DCDC2: variants seen among roughly 807,000 people sequenced by gnomAD.
The protein encoded by DCDC2 is doublecortin domain-containing protein 2.
Under a neutral mutation model 50.2 loss-of-function variants are expected in DCDC2, and 40 were observed. The ratio of observed to expected loss-of-function variants is 0.80; its 90% CI spans 0.62 to 1.04. The LOEUF is 1.04. Among genes scored for constraint, DCDC2 ranks in the 50% least tolerant of loss-of-function variants. The pLI is 0.00. For missense variants in DCDC2, 570 were observed against 581.9 expected (o/e 0.98, Z 0.21); for synonymous variants, 234 against 210.6 (o/e 1.11, Z -0.96).
At chr6:24,179,126 T>C (rs1760992031) in intron 8 of DCDC2, among the ~76,000 whole-genome samples, 1 of 152,164 alleles carries the variant, frequency 6.6e-6, no homozygotes, top group Non-Finnish European at 1.5e-5. Flanking sequence ...GAATTCATGT[T>C]TTCTGACGTG....
intron 1 of DCDC2, among the ~76,000 whole-genome samples, chr6:24,356,454 G>T (rs1760468859): frequency 6.6e-6 from 1 of 152,086 alleles, no homozygotes; most frequent in Non-Finnish European, 1.5e-5. Context: ...GGGTGGAAAT[G>T]AACTACAATT....
intron 2 of DCDC2, among the ~76,000 whole-genome samples, chr6:24,310,092 AG>A (rs1471271490): frequency 5.9e-5 from 9 of 152,360 alleles, no homozygotes; most frequent in African/African-American, 2.2e-4. Flanking sequence ...AAATTACAAA[AG>A]AAACATAATA....
intron 7 of DCDC2, among the ~76,000 whole-genome samples, chr6:24,241,112 C>T (rs1294268742): frequency 2.6e-5 from 4 of 152,178 alleles, no homozygotes; most frequent in Non-Finnish European, 5.9e-5. Flanking sequence ...AAGCCCATGA[C>T]CTTCAGCCAC....
At chr6:24,336,529 A>T (rs545343057) in intron 2 of DCDC2, among the ~76,000 whole-genome samples, 5 of 152,276 alleles carry the variant, frequency 3.3e-5, no homozygotes, top group African/African-American at 1.2e-4. Context: ...AATGATCTCA[A>T]CTATTTATCA....
chr6:24,379,868 T>G, the DCDC2 span, among the ~76,000 whole-genome samples: 1,713 of 152,134 alleles, frequency 0.011, 29 homozygotes, highest in African/African-American at 0.039. Flanking sequence ...CCATAAAAAA[T>G]GATGAGTTCA....
At position 24,174,799 on chromosome 6, in the gene DCDC2, T is replaced by C; in HGVS notation, c.1362A>G (p.Glu454=). Reference sequence around the variant, plus strand: ...TTTCTTCTGGACTGGTAATTTTTACTTCTGGCCTTGGTGGTCTTTGAGGGT... The same window carrying C: ...TTTCTTCTGGACTGGTAATTTTTACCTCTGGCCTTGGTGGTCTTTGAGGGT... ...DVDPQRPPRP[E]VKITSPEENE... is the part of the protein sequence containing the mutation. The change falls in exon 10 of 10, where the codon GAA becomes GAG. Residue 454 remains glutamate, a synonymous_variant. Coordinates refer to ENST00000378454, the MANE Select transcript of DCDC2 (RefSeq NM_016356.5). 2 of 1,613,746 alleles carry C rather than the reference T, an allele frequency of 1.2e-6. No homozygotes were observed. The highest frequency in any genetic ancestry group is 1.1e-5 in the South Asian group (1 of 91,032).
At chr6:24,201,986 C>CAATA (rs1761599542) in intron 8 of DCDC2, among the ~76,000 whole-genome samples, 1 of 151,690 alleles carries the variant, frequency 6.6e-6, no homozygotes, top group Non-Finnish European at 1.5e-5. Context: ...GAAATTGAGG[C>CAATA]AGTAATAGCC....
intron 7 of DCDC2, among the ~76,000 whole-genome samples, chr6:24,272,326 T>C (rs905585485): frequency 6.6e-6 from 1 of 152,196 alleles, no homozygotes; most frequent in African/African-American, 2.4e-5. Flanking sequence ...AAGTGGATCA[T>C]GAAGGTGTGA....
At chr6:24,289,968 CTTCT>C (rs1561760463) in intron 5 of DCDC2, among the ~76,000 whole-genome samples, 4 of 100,820 alleles carry the variant, frequency 4.0e-5, no homozygotes, top group Admixed American at 1.3e-4. Flanking sequence ...GGCCAGAGCT[CTTCT>C]TTTTTTTTTT....
chr6:24,290,953 G>T lies in DCDC2; in HGVS notation c.683C>A (p.Ser228Ter). 6.2e-7 allele frequency: 1 copy of T among 1,613,658 alleles called. No homozygotes were observed. The highest frequency in any genetic ancestry group is 8.5e-7 in the Non-Finnish European group (1 of 1,179,886). Residue 228 changes from serine to a stop codon, truncating the protein, a stop_gained, in exon 5 of 10, where the codon TCA becomes TAA. Transcript: ENST00000378454. LOFTEE classifies it high-confidence loss of function. ...LPYSELLFDK[S>*]TMRRPFGQKA... ...TTACCCAAAAGGCCTTCTCATCGTT[G>T]ACTTGTCAAAAAGTAACTCACTGTA...
upstream of DCDC2, among the ~76,000 whole-genome samples, chr6:24,360,775 G>A (rs764407066): frequency 4.6e-5 from 7 of 151,936 alleles, no homozygotes; most frequent in Non-Finnish European, 8.8e-5. Context: ...GCCATTAATT[G>A]AACACTATAA....
chr6:24,300,305 C>G lies in DCDC2; in HGVS notation c.557+1410G>C, dbSNP rs1488891338. 2.0e-5 allele frequency among the ~76,000 whole-genome samples: 3 copies of G among 152,042 alleles called. No individual in the cohort carries two copies. In the East Asian group the frequency reaches 5.8e-4, roughly 29 times the overall value. ...GTTGAGGTAAGAGTATCAATTGAGT[C>G]TGCACAATCGAGGCTGCAGTGAGCT... On this transcript the variant is annotated intron_variant, in intron 4 of 9. Transcript: ENST00000378454.
chr6:24,318,566 CTTCT>C (rs1342114334), intron 2 of DCDC2, among the ~76,000 whole-genome samples: 1 of 151,996 alleles, frequency 6.6e-6, no homozygotes, highest in East Asian at 1.9e-4. Flanking sequence ...CTCCAGCATC[CTTCT>C]GAGTCTCTAA....
chr6:24,374,593 A>AAAAAAAAAAATGG, the DCDC2 span, among the ~76,000 whole-genome samples: 1 of 150,920 alleles, frequency 6.6e-6, no homozygotes, highest in Non-Finnish European at 1.5e-5. Context: ...AAAAAAAAAA[A>AAAAAAAAAAATGG]AAAAAATGGA....
intron 6 of DCDC2, among the ~76,000 whole-genome samples, chr6:24,282,215 T>C (rs1481869774): frequency 2.0e-5 from 3 of 151,910 alleles, no homozygotes; most frequent in Non-Finnish European, 4.4e-5. Context: ...CAGCCTCCAA[T>C]CATCCCTCAC....
intron 7 of DCDC2, among the ~76,000 whole-genome samples, chr6:24,242,990 C>G (rs372589652): frequency 6.6e-6 from 1 of 151,614 alleles, no homozygotes; most frequent in African/African-American, 2.4e-5. Flanking sequence ...AAAGAAGACA[C>G]GAACAAAGGA....
Position 24,261,078 on chromosome 6 carries a change from CAGA to C in DCDC2, c.922+16968_922+16970del, listed in dbSNP as rs544671326. ...AATCTTTTAAACAATTCTGCAGTTA[CAGA>C]AGAATAGTAATTCATTTTAAGATTG... is the stretch of plus-strand genomic sequence containing the variant. On this transcript the variant is annotated intron_variant, in intron 7 of 9. Transcript: ENST00000378454. Among the ~76,000 whole-genome samples the C allele has an allele frequency of 2.3e-3, 351 of 152,204 alleles. 4 individuals are homozygous for C. The highest frequency in any genetic ancestry group is 4.3e-3 in the Non-Finnish European group (293 of 68,018).
intron 7 of DCDC2, among the ~76,000 whole-genome samples, chr6:24,268,224 C>T (rs995480778): frequency 7.2e-5 from 11 of 152,138 alleles, no homozygotes; most frequent in Admixed American, 2.0e-4. Context: ...CGGTGACTCA[C>T]GCCTGTAATT....
intron 7 of DCDC2, among the ~76,000 whole-genome samples, chr6:24,232,131 T>C (rs566184431): frequency 6.6e-6 from 1 of 152,292 alleles, no homozygotes; most frequent in African/African-American, 2.4e-5. Flanking sequence ...TAAAAAGATA[T>C]ATGGTTATGC....
Sources: gnomAD v4.1 joint callset for allele counts (sites outside exome capture counted in the v4.1 genomes callset) on GRCh38, gnomAD v4.1.1 for gene constraint, MANE v1.5 for transcripts, NCBI Gene and HGNC (gene_info 2026-07-23, HGNC 2026-07-21) for gene names.